FGF12: variants seen among roughly 807,000 people sequenced by gnomAD.
The protein encoded by FGF12 is fibroblast growth factor 12, also known as fibroblast growth factor 12B.
Under a neutral mutation model 23.6 loss-of-function variants are expected in FGF12, and 14 were observed. The ratio of observed to expected loss-of-function variants is 0.59; its 90% CI spans 0.39 to 0.93. The LOEUF is 0.93. Among genes scored for constraint, FGF12 ranks in the 40% least tolerant of loss-of-function variants. The pLI is 0.00. For synonymous variants in FGF12, 62 were observed against 77.3 expected, an observed-to-expected ratio of 0.80 and a Z score of 1.04; for missense variants, 175 against 217.8, an observed-to-expected ratio of 0.80 and a Z score of 1.24.
In FGF12 at chr3:192,249,124, T is replaced by C. The variant is rs1229721944; in HGVS notation, c.229-78468A>G. Among the ~76,000 whole-genome samples, 3 of 152,158 alleles carry C rather than the reference T, an allele frequency of 2.0e-5. No homozygotes were observed. The East Asian group carries it at 5.8e-4, about 29-fold the overall frequency. ...TATGTAAATGCAGCCCACTGTACTA[T>C]TATAATATTAATCACAAGTTTTTTG... On this transcript the variant is annotated intron_variant, in intron 4 of 5. Coordinates refer to ENST00000445105, the MANE Select transcript of FGF12 (RefSeq NM_004113.6).
At chr3:192,643,772 A>G (rs1715892143) in intron 2 of FGF12, among the ~76,000 whole-genome samples, 1 of 152,226 alleles carries the variant, frequency 6.6e-6, no homozygotes, top group South Asian at 2.1e-4. Flanking sequence ...AAACCACAGA[A>G]AAGACTATCA....
chr3:192,707,091 G>T (rs1193757630), intron 2 of FGF12, among the ~76,000 whole-genome samples: 1 of 152,196 alleles, frequency 6.6e-6, no homozygotes, highest in Non-Finnish European at 1.5e-5. Flanking sequence ...CCGCTTTTGA[G>T]TTGAGGAAAC....
intron 2 of FGF12, among the ~76,000 whole-genome samples, chr3:192,632,435 AC>A (rs1237737101): frequency 2.6e-5 from 4 of 152,228 alleles, no homozygotes; most frequent in African/African-American, 9.6e-5. Context: ...GTAAAGACTT[AC>A]AAAATTTTGT....
At chr3:192,407,909 G>A in intron 2 of FGF12, 3 of 1,103,324 alleles carry the variant, frequency 2.7e-6, no homozygotes, top group Non-Finnish European at 3.9e-6. Flanking sequence ...GAGAGAAGAG[G>A]GGTCAGAATG....
At chr3:192,246,712 C>T (rs113763947) in intron 4 of FGF12, among the ~76,000 whole-genome samples, 1,752 of 151,306 alleles carry the variant, frequency 0.012, 25 homozygotes, top group African/African-American at 0.029. Flanking sequence ...GTAATCCCAG[C>T]TACTCAGAAG....
At chr3:192,277,688 A>C (rs546412452) in intron 4 of FGF12, among the ~76,000 whole-genome samples, 1 of 152,326 alleles carries the variant, frequency 6.6e-6, no homozygotes, top group Non-Finnish European at 1.5e-5. Flanking sequence ...CAGAGCACGG[A>C]AGTCCACCGC....
At chr3:192,237,413 T>A (rs1719358939) in intron 4 of FGF12, among the ~76,000 whole-genome samples, 1 of 152,206 alleles carries the variant, frequency 6.6e-6, no homozygotes, top group Non-Finnish European at 1.5e-5. Context: ...TCATGACCAA[T>A]ATTCTCAAAT....
chr3:192,247,597 G>A (rs563224872), intron 4 of FGF12, among the ~76,000 whole-genome samples: 45 of 152,224 alleles, frequency 3.0e-4, no homozygotes, highest in South Asian at 8.3e-4. Context: ...CACACCTAGC[G>A]ATCACTGGCA....
At chr3:192,251,238 C>T (rs1275833040) in intron 4 of FGF12, among the ~76,000 whole-genome samples, 1 of 152,002 alleles carries the variant, frequency 6.6e-6, no homozygotes, top group Non-Finnish European at 1.5e-5. Flanking sequence ...CTTTTCCTAA[C>T]TAAGAGCAGG....
intron 2 of FGF12, among the ~76,000 whole-genome samples, chr3:192,586,337 T>G (rs1009165657): frequency 5.9e-5 from 9 of 152,202 alleles, no homozygotes; most frequent in Non-Finnish European, 1.0e-4. Context: ...AGCTACCTAA[T>G]GAACTCTGGA....
At chr3:192,595,407 A>G (rs1320480552) in intron 2 of FGF12, among the ~76,000 whole-genome samples, 1 of 152,090 alleles carries the variant, frequency 6.6e-6, no homozygotes, top group Non-Finnish European at 1.5e-5. Flanking sequence ...TGATAATCTT[A>G]TTTCCAGTCC....
chr3:192,387,267 G>C (rs1381004927), intron 2 of FGF12, among the ~76,000 whole-genome samples: 1 of 152,052 alleles, frequency 6.6e-6, no homozygotes, highest in African/African-American at 2.4e-5. Flanking sequence ...ACACCTCCTT[G>C]TTGGCCCTTT....
intron 2 of FGF12, among the ~76,000 whole-genome samples, chr3:192,372,423 T>A (rs1719278132): frequency 7.4e-6 from 1 of 135,044 alleles, no homozygotes; most frequent in Non-Finnish European, 1.6e-5. Flanking sequence ...ACACACACAA[T>A]GCTTTGCCTT....
At chr3:192,253,361 C>G (rs1376513578) in intron 4 of FGF12, among the ~76,000 whole-genome samples, 1 of 151,776 alleles carries the variant, frequency 6.6e-6, no homozygotes, top group Non-Finnish European at 1.5e-5. Context: ...GAAATCATGA[C>G]TCCTGGCAAG....
chr3:192,420,426 A>G (rs1721488707), intron 2 of FGF12, among the ~76,000 whole-genome samples: 1 of 152,202 alleles, frequency 6.6e-6, no homozygotes. Flanking sequence ...TCCAACTCTT[A>G]TGTTGAAATA....
chr3:192,398,827 A>G (rs967803838), intron 2 of FGF12, among the ~76,000 whole-genome samples: 7 of 152,222 alleles, frequency 4.6e-5, no homozygotes, highest in African/African-American at 1.7e-4. Flanking sequence ...GAGAAGCCCC[A>G]GGCTTTGCAG....
At chr3:192,515,845 T>TTTC (rs398052565) in intron 2 of FGF12, among the ~76,000 whole-genome samples, 3 of 151,294 alleles carry the variant, frequency 2.0e-5, no homozygotes, top group Admixed American at 1.3e-4. Context: ...TTTTTTTTTT[T>TTTC]CTTTTCCTGA....
At chr3:192,217,948 T>TCCC (rs1718278146) in intron 4 of FGF12, among the ~76,000 whole-genome samples, 3 of 152,066 alleles carry the variant, frequency 2.0e-5, no homozygotes, top group African/African-American at 7.2e-5. Flanking sequence ...GCAATTCTCC[T>TCCC]GCCTCATCCT....
intron 2 of FGF12, among the ~76,000 whole-genome samples, chr3:192,680,314 C>T (rs1346626144): frequency 2.6e-5 from 4 of 151,966 alleles, no homozygotes; most frequent in South Asian, 4.2e-4. Context: ...TGACTGCTGC[C>T]GAAGGAAATG....
Sources: gnomAD v4.1 joint callset for allele counts (sites outside exome capture counted in the v4.1 genomes callset) on GRCh38, gnomAD v4.1.1 for gene constraint, MANE v1.5 for transcripts, NCBI Gene and HGNC (gene_info 2026-07-23, HGNC 2026-07-21) for gene names.